Variants in RBFOX2 observed in about 807,000 individuals in gnomAD.
RBFOX2 encodes RNA binding protein fox-1 homolog 2.
A neutral mutation model predicts 49.1 loss-of-function variants in RBFOX2; 10 were observed. That is an observed-to-expected ratio of 0.20 (90% confidence interval 0.13 to 0.35). The LOEUF (loss-of-function observed/expected upper bound fraction) is 0.35, where lower values mean the gene tolerates loss of function less well. RBFOX2 is among the 10% of genes least tolerant of loss of function. The pLI, the probability that RBFOX2 is intolerant of heterozygous loss-of-function variation, is 1.00. For missense variants in RBFOX2, 323 were observed against 486.9 expected, an observed-to-expected ratio of 0.66 and a Z score of 3.17; for synonymous variants, 183 against 187.4, an observed-to-expected ratio of 0.98 and a Z score of 0.19.
intron 1 of RBFOX2, among the ~76,000 whole-genome samples, chr22:35,894,709 T>A (rs1007738621): frequency 2.0e-5 from 3 of 152,144 alleles, no homozygotes; most frequent in Admixed American, 2.0e-4. Flanking sequence ...GATGTGGCAG[T>A]CTGTGCTCTG....
chr22:35,817,896 G>A (rs1953509829), intron 1 of RBFOX2, among the ~76,000 whole-genome samples: 1 of 151,804 alleles, frequency 6.6e-6, no homozygotes, highest in African/African-American at 2.4e-5. Flanking sequence ...TTTAAGGGCA[G>A]TTACAGGCTT....
intron 2 of RBFOX2, among the ~76,000 whole-genome samples, chr22:35,794,423 C>G (rs1485954171): frequency 6.6e-6 from 1 of 152,080 alleles, no homozygotes. Flanking sequence ...CTTTGGGAGG[C>G]TGAGGCAGGT....
At chr22:35,942,384 T>C (rs377661464), upstream of RBFOX2, among the ~76,000 whole-genome samples, 21 of 152,250 alleles carry the variant, frequency 1.4e-4, no homozygotes, top group African/African-American at 4.3e-4. Context: ...TGAATGCATA[T>C]ACCTTCCTGT....
At position 35,810,046 on chromosome 22, in the gene RBFOX2, C is replaced by T. The variant is rs769295239; in HGVS notation, c.28-42G>A. On this transcript the variant is annotated intron_variant, in intron 1 of 11. Transcript: ENST00000405409. ...GAGAAAGAAAAAGTGACTTTGAATC[C>T]TTGTTACGTAACTATTTTTAAAGTG... The T allele has an allele frequency of 5.1e-6, 8 of 1,582,914 alleles. No homozygotes were observed. In the South Asian group the frequency reaches 5.6e-5, roughly 11 times the overall value.
At chr22:35,856,748 C>G (rs1260006739) in intron 1 of RBFOX2, among the ~76,000 whole-genome samples, 2 of 152,018 alleles carry the variant, frequency 1.3e-5, no homozygotes. Flanking sequence ...ATATGCAACA[C>G]TGGGCCAGGC....
intron 4 of RBFOX2, among the ~76,000 whole-genome samples, chr22:35,773,406 T>C (rs890256007): frequency 6.6e-6 from 1 of 152,042 alleles, no homozygotes; most frequent in Non-Finnish European, 1.5e-5. Flanking sequence ...GAGAACACAT[T>C]AAGTAAACAT....
At chr22:35,780,917 T>C (rs1945014281) in intron 3 of RBFOX2, among the ~76,000 whole-genome samples, 2 of 152,012 alleles carry the variant, frequency 1.3e-5, no homozygotes, top group Admixed American at 6.6e-5. Context: ...AAGTAGAGAG[T>C]GGCAATAACG....
chr22:35,849,512 T>C (rs2041657098), intron 1 of RBFOX2, among the ~76,000 whole-genome samples: 1 of 152,230 alleles, frequency 6.6e-6, no homozygotes, highest in Admixed American at 6.5e-5. Context: ...AGGCATTTCA[T>C]TCCACCATAA....
chr22:35,777,015 ATTT>A (rs757376652), intron 4 of RBFOX2, among the ~76,000 whole-genome samples: 2 of 143,852 alleles, frequency 1.4e-5, no homozygotes, highest in Non-Finnish European at 3.1e-5. Flanking sequence ...AGGGGAAATA[ATTT>A]TTTTTTTTTT....
chr22:36,022,490 C>A (rs2059281824), intron 1 of RBFOX2, among the ~76,000 whole-genome samples: 1 of 152,190 alleles, frequency 6.6e-6, no homozygotes, highest in Admixed American at 6.5e-5. Flanking sequence ...TCAGATCTGA[C>A]TTTCTCCTTC....
intron 3 of RBFOX2, 106 bp from the exon 5 acceptor site, chr22:35,778,184 C>G: frequency 1.2e-6 from 1 of 868,564 alleles, no homozygotes; most frequent in South Asian, 1.6e-5. Context: ...CAGTAAACTA[C>G]TTATTTAACT....
chr22:35,757,162 T>C (rs1937216745), intron 9 of RBFOX2, among the ~76,000 whole-genome samples: 1 of 150,688 alleles, frequency 6.6e-6, no homozygotes, highest in African/African-American at 2.4e-5. Flanking sequence ...TGGTTAAGAA[T>C]AGAAGGGTTT....
chr22:35,954,331 T>A (rs1239169940), intron 1 of RBFOX2, among the ~76,000 whole-genome samples: 1 of 152,240 alleles, frequency 6.6e-6, no homozygotes, highest in Non-Finnish European at 1.5e-5. Flanking sequence ...TAACACAGAA[T>A]TCAGCATAAG....
intron 1 of RBFOX2, among the ~76,000 whole-genome samples, chr22:35,923,359 T>C (rs1045480468): frequency 1.3e-5 from 2 of 152,116 alleles, no homozygotes; most frequent in Non-Finnish European, 1.5e-5. Flanking sequence ...TTTTTCCTTT[T>C]ATTTCCCCAA....
chr22:35,951,400 C>T (rs1323223149), intron 1 of RBFOX2, among the ~76,000 whole-genome samples: 1 of 151,782 alleles, frequency 6.6e-6, no homozygotes, highest in Non-Finnish European at 1.5e-5. Flanking sequence ...CATGTGCCAC[C>T]ACACCCGGCT....
At chr22:35,873,915 A>C (rs769545498) in intron 1 of RBFOX2, among the ~76,000 whole-genome samples, 14 of 152,206 alleles carry the variant, frequency 9.2e-5, no homozygotes, top group Non-Finnish European at 1.9e-4. Flanking sequence ...TCCTGGCCTC[A>C]AGTGCTCCAC....
At chr22:35,859,132 T>C (rs1181655524) in intron 1 of RBFOX2, among the ~76,000 whole-genome samples, 1 of 152,164 alleles carries the variant, frequency 6.6e-6, no homozygotes, top group Admixed American at 6.5e-5. Flanking sequence ...TATTCCAATA[T>C]GGCTTGGGAG....
At chr22:35,972,646 C>CTT (rs2056942378) in intron 1 of RBFOX2, among the ~76,000 whole-genome samples, 2 of 152,168 alleles carry the variant, frequency 1.3e-5, no homozygotes, top group African/African-American at 4.8e-5. Flanking sequence ...CCTAATAAAA[C>CTT]ATAAGAGTAC....
chr22:35,926,541 G>A (rs1169710444), intron 1 of RBFOX2, among the ~76,000 whole-genome samples: 5 of 152,134 alleles, frequency 3.3e-5, no homozygotes, highest in Non-Finnish European at 7.4e-5. Context: ...AAGCAACTGG[G>A]TCATGAGTGG....
Sources: allele counts gnomAD v4.1 joint callset (sites outside exome capture counted in the v4.1 genomes callset), GRCh38; gene constraint gnomAD v4.1.1; transcripts MANE v1.5; gene names NCBI Gene and HGNC (gene_info 2026-07-23, HGNC 2026-07-21).